MKLN1: variants seen among roughly 807,000 people sequenced by gnomAD.
MKLN1 encodes muskelin 1.
Under a neutral mutation model 99.0 loss-of-function variants are expected in MKLN1, and 18 were observed. The ratio of observed to expected loss-of-function variants is 0.18; its 90% CI spans 0.13 to 0.27. MKLN1 has a LOEUF of 0.27. Among genes scored for constraint, MKLN1 ranks in the 10% least tolerant of loss-of-function variants. MKLN1 has a pLI of 1.00. For missense variants in MKLN1, 621 were observed against 875.9 expected, an observed-to-expected ratio of 0.71 and a Z score of 3.67; for synonymous variants, 288 against 293.2, an observed-to-expected ratio of 0.98 and a Z score of 0.18.
chr7:131,180,212 C>T (rs576451114), intron 2 of MKLN1, among the ~76,000 whole-genome samples: 3 of 152,324 alleles, frequency 2.0e-5, no homozygotes, highest in African/African-American at 7.2e-5. Flanking sequence ...AAATATATTG[C>T]TTCTGAAAGA....
In MKLN1 at chr7:131,452,544, C is replaced by CTTTTTTTTTT. The variant is rs1159344518; in HGVS notation, c.1525+6657_1525+6666dup. ...TCTTTATGTTTCTGATCCTTTTATACTTTTTTTTTTTTTTTTTTTTTTTTT... is the reference window on the plus strand; with the variant it reads ...TCTTTATGTTTCTGATCCTTTTATACTTTTTTTTTTTTTTTTTTTTTTTTTTTTTTTTTTT... On this transcript the variant is annotated intron_variant, in intron 12 of 17. Transcript: ENST00000352689. 1.6e-3 allele frequency among the ~76,000 whole-genome samples: 111 copies of CTTTTTTTTTT among 70,358 alleles called. 2 individuals are homozygous for CTTTTTTTTTT. Among genetic ancestry groups the CTTTTTTTTTT allele is most frequent in the Middle Eastern group, 0.014 (1 of 74 alleles). The allele number at this position is 70,358 out of a possible 152,430, so 46.2% of individuals were successfully genotyped here.
At chr7:131,209,032 G>A (rs180756425) in intron 3 of MKLN1, among the ~76,000 whole-genome samples, 4 of 152,324 alleles carry the variant, frequency 2.6e-5, no homozygotes, top group Admixed American at 1.3e-4. Context: ...ACAGGGAGGA[G>A]CTGGTCATGA....
At chr7:131,373,927 G>GT (rs200435048) in intron 1 of MKLN1, among the ~76,000 whole-genome samples, 3,475 of 152,128 alleles carry the variant, frequency 0.023, 67 homozygotes, top group Non-Finnish European at 0.034. Flanking sequence ...GTCTTTCCTT[G>GT]TTTTTTATTA....
At chr7:131,330,735 T>C (rs184794204) in intron 1 of MKLN1, among the ~76,000 whole-genome samples, 12 of 152,292 alleles carry the variant, frequency 7.9e-5, no homozygotes, top group Admixed American at 7.8e-4. Context: ...AATTGAACAA[T>C]TTTATCTCTA....
chr7:131,410,180 G>C (rs1794834514), intron 6 of MKLN1, among the ~76,000 whole-genome samples: 1 of 152,100 alleles, frequency 6.6e-6, no homozygotes, highest in Non-Finnish European at 1.5e-5. Flanking sequence ...TACCATTACA[G>C]TAACTAGTGT....
chr7:131,121,620 C>T (rs1333977054), intron 1 of MKLN1, among the ~76,000 whole-genome samples: 2 of 115,948 alleles, frequency 1.7e-5, no homozygotes, highest in Non-Finnish European at 3.4e-5. Context: ...GCCTGAGTGA[C>T]AGAGCAAGAC....
At chr7:131,444,381 T>C (rs921896244) in intron 11 of MKLN1, among the ~76,000 whole-genome samples, 5 of 151,852 alleles carry the variant, frequency 3.3e-5, no homozygotes, top group African/African-American at 1.2e-4. Flanking sequence ...CCTTCTGCGG[T>C]GTTGGGATTA....
At chr7:131,168,009 G>A (rs1402151023) in intron 2 of MKLN1, among the ~76,000 whole-genome samples, 1 of 152,150 alleles carries the variant, frequency 6.6e-6, no homozygotes, top group Non-Finnish European at 1.5e-5. Context: ...GATATTAAAT[G>A]AATTAGGCTA....
At chr7:131,172,045 C>T (rs1796223245) in intron 2 of MKLN1, among the ~76,000 whole-genome samples, 1 of 152,172 alleles carries the variant, frequency 6.6e-6, no homozygotes, top group African/African-American at 2.4e-5. Flanking sequence ...GAGCCTTTCA[C>T]CTTCCACCAA....
chr7:131,274,970 T>C (rs1199899634), intron 3 of MKLN1, among the ~76,000 whole-genome samples: 1 of 152,206 alleles, frequency 6.6e-6, no homozygotes, highest in Non-Finnish European at 1.5e-5. Context: ...AGTAACATTC[T>C]GTTACCCACT....
chr7:131,328,258 C>A, intron 1 of MKLN1: 1 of 477,604 alleles, frequency 2.1e-6, no homozygotes. Context: ...AACCGGAAGC[C>A]CAGCGGTTCT....
intron 1 of MKLN1, among the ~76,000 whole-genome samples, chr7:131,119,458 A>G (rs1795327394): frequency 6.6e-6 from 1 of 152,204 alleles, no homozygotes. Context: ...TCATTCTGGG[A>G]TCTGGAGGAC....
intron 3 of MKLN1, chr7:131,311,143 C>T (rs1305358769): frequency 1.3e-5 from 2 of 152,080 alleles, no homozygotes; most frequent in African/African-American, 2.4e-5. Context: ...AAAGTTGTTA[C>T]TTAGTCCAAT....
intron 8 of MKLN1, among the ~76,000 whole-genome samples, chr7:131,418,110 T>A (rs2116366012): frequency 6.6e-6 from 1 of 152,284 alleles, no homozygotes; most frequent in East Asian, 1.9e-4. Context: ...GGCTCACGCC[T>A]GTAATCCCAG....
At position 131,443,494 on chromosome 7, in the gene MKLN1, C is replaced by T; in HGVS notation, c.1187C>T (p.Ser396Leu). ...LVFDHQMCMD[S>L]EKHMIYTFGG... ...TTGTTCTGATAGATGTGTATGGACT[C>T]AGAAAAACATATGATCTACACTTTT... is the stretch of plus-strand genomic sequence containing the variant. The change falls in exon 11 of 18, where the codon TCA (serine) becomes TTA (leucine). Residue 396 changes from serine (S) to leucine (L), a missense_variant. This residue lies in a region of MKLN1 where 361 missense variants were observed against 540.8 expected (regional missense o/e 0.67). Transcript: ENST00000352689. 1 of 1,612,388 alleles carries T rather than the reference C, an allele frequency of 6.2e-7. No homozygotes were observed. Among genetic ancestry groups the T allele is most frequent in the Non-Finnish European group, 8.5e-7 (1 of 1,178,510 alleles).
intron 3 of MKLN1, among the ~76,000 whole-genome samples, chr7:131,268,249 T>G (rs1385634530): frequency 1.3e-5 from 2 of 152,248 alleles, no homozygotes; most frequent in East Asian, 3.8e-4. Flanking sequence ...TTCCTTGATG[T>G]TGAGCTTGGC....
chr7:131,356,752 A>G (rs1336734830), intron 1 of MKLN1, among the ~76,000 whole-genome samples: 3 of 152,170 alleles, frequency 2.0e-5, no homozygotes, highest in Non-Finnish European at 4.4e-5. Context: ...CTTAATGGCC[A>G]CTAGGGAATG....
chr7:131,465,564 A>T (rs1307437514), intron 14 of MKLN1, among the ~76,000 whole-genome samples: 1 of 151,646 alleles, frequency 6.6e-6, no homozygotes, highest in Non-Finnish European at 1.5e-5. Flanking sequence ...TTTGAGACGG[A>T]GTCTCGGTCT....
chr7:131,299,965 G>A (rs1392840196), intron 3 of MKLN1, among the ~76,000 whole-genome samples: 4 of 152,068 alleles, frequency 2.6e-5, no homozygotes, highest in Non-Finnish European at 5.9e-5. Context: ...GATATTTTGT[G>A]GCAAAGTTAT....
Sources: allele counts gnomAD v4.1 joint callset (sites outside exome capture counted in the v4.1 genomes callset), GRCh38; gene constraint gnomAD v4.1.1; regional missense constraint gnomAD v4.1.1; transcripts MANE v1.5; gene names NCBI Gene and HGNC (gene_info 2026-07-23, HGNC 2026-07-21).